The following NRG3 variants were observed in gnomAD, a reference collection of about 807,000 sequenced individuals.
NRG3 encodes the protein pro-neuregulin-3, membrane-bound isoform.
Under a neutral mutation model 66.9 loss-of-function variants are expected in NRG3, and 31 were observed. The observed-to-expected ratio is 0.46, with a 90% CI of 0.35 to 0.63. NRG3 has a LOEUF of 0.63. Among genes scored for constraint, NRG3 ranks in the 20% least tolerant of loss-of-function variants. The pLI is 0.00. For missense variants in NRG3, 910 were observed against 878.9 expected, an observed-to-expected ratio of 1.04 and a Z score of -0.45; for synonymous variants, 393 against 359.4, an observed-to-expected ratio of 1.09 and a Z score of -1.06.
intron 2 of NRG3, among the ~76,000 whole-genome samples, chr10:82,659,135 A>G (rs981177792): frequency 2.0e-5 from 3 of 152,246 alleles, no homozygotes; most frequent in African/African-American, 7.2e-5. Context: ...GGAAAGAAAT[A>G]TAATAAACAT....
At chr10:81,952,962 C>G (rs550004684) in intron 1 of NRG3, among the ~76,000 whole-genome samples, 1 of 152,090 alleles carries the variant, frequency 6.6e-6, no homozygotes, top group Non-Finnish European at 1.5e-5. Flanking sequence ...GCTAATGCTT[C>G]TCTGAGCTGT....
intron 2 of NRG3, among the ~76,000 whole-genome samples, chr10:82,378,591 G>C (rs953135053): frequency 2.7e-5 from 4 of 148,376 alleles, no homozygotes; most frequent in Admixed American, 1.3e-4. Flanking sequence ...CTTTCTTTTT[G>C]ACAGAGTTTT....
intron 3 of NRG3, among the ~76,000 whole-genome samples, chr10:82,797,775 G>C (rs2060861286): frequency 6.6e-6 from 1 of 152,092 alleles, no homozygotes; most frequent in Non-Finnish European, 1.5e-5. Context: ...TGGTAGATCG[G>C]AGTTGTCTTC....
intron 3 of NRG3, among the ~76,000 whole-genome samples, chr10:82,741,593 C>A (rs2058426438): frequency 6.6e-6 from 1 of 152,116 alleles, no homozygotes; most frequent in Admixed American, 6.6e-5. Flanking sequence ...TTTTATTAAA[C>A]CCTCACAATC....
intron 1 of NRG3, among the ~76,000 whole-genome samples, chr10:82,263,000 C>G (rs1202989021): frequency 1.3e-5 from 2 of 152,116 alleles, no homozygotes; most frequent in Non-Finnish European, 2.9e-5. Flanking sequence ...TATCCCAGAT[C>G]ATTAACACCA....
At chr10:82,880,113 A>G (rs780900447) in intron 4 of NRG3, among the ~76,000 whole-genome samples, 3 of 152,178 alleles carry the variant, frequency 2.0e-5, no homozygotes, top group East Asian at 1.9e-4. Flanking sequence ...TCACTATTAT[A>G]TAAGTTATGG....
intron 2 of NRG3, among the ~76,000 whole-genome samples, chr10:82,516,282 G>T (rs1210815431): frequency 6.6e-6 from 1 of 152,012 alleles, no homozygotes; most frequent in Non-Finnish European, 1.5e-5. Flanking sequence ...ACAAAATCCA[G>T]AGCAGACCAC....
intron 1 of NRG3, among the ~76,000 whole-genome samples, chr10:82,219,136 A>T (rs1294989733): frequency 2.0e-5 from 3 of 151,596 alleles, no homozygotes; most frequent in African/African-American, 7.3e-5. Context: ...GCCATCAGTA[A>T]CACATTTGTT....
chr10:82,522,776 G>A (rs1482171563), intron 2 of NRG3, among the ~76,000 whole-genome samples: 1 of 150,902 alleles, frequency 6.6e-6, no homozygotes, highest in African/African-American at 2.4e-5. Context: ...TAGCTTTATT[G>A]AGATATAATT....
chr10:82,172,584 T>C (rs1448412680), intron 1 of NRG3, among the ~76,000 whole-genome samples: 1 of 152,092 alleles, frequency 6.6e-6, no homozygotes, highest in Admixed American at 6.6e-5. Flanking sequence ...CTGCTAAAAT[T>C]CACTGAGATT....
chr10:82,086,754 G>A (rs2065751596), intron 1 of NRG3, among the ~76,000 whole-genome samples: 1 of 152,120 alleles, frequency 6.6e-6, no homozygotes, highest in South Asian at 2.1e-4. Flanking sequence ...TGAAATTAGG[G>A]TGAGATATTT....
chr10:82,311,640 C>G (rs535293787), intron 1 of NRG3, among the ~76,000 whole-genome samples: 8 of 152,270 alleles, frequency 5.3e-5, no homozygotes, highest in Admixed American at 1.3e-4. Flanking sequence ...TAAGTGTGCT[C>G]TTGCTGACCG....
chr10:81,934,583 A>G (rs748810522), intron 1 of NRG3, among the ~76,000 whole-genome samples: 2 of 152,200 alleles, frequency 1.3e-5, no homozygotes, highest in Admixed American at 6.5e-5. Flanking sequence ...AGCATACTGT[A>G]ATAGATGGAG....
intron 1 of NRG3, among the ~76,000 whole-genome samples, chr10:82,137,739 T>C (rs901913660): frequency 2.0e-5 from 3 of 152,220 alleles, no homozygotes; most frequent in Non-Finnish European, 2.9e-5. Flanking sequence ...GAATTTGTTA[T>C]GCATCCACTC....
intron 2 of NRG3, among the ~76,000 whole-genome samples, chr10:82,494,588 A>C (rs367858811): frequency 6.6e-6 from 1 of 152,138 alleles, no homozygotes; most frequent in Non-Finnish European, 1.5e-5. Context: ...TAAATGTATC[A>C]TCTAATATGC....
chr10:82,150,530 C>CACAAAAAAAAAAAAAAAAAA (rs2070647798), intron 1 of NRG3, among the ~76,000 whole-genome samples: 1 of 26,682 alleles, frequency 3.7e-5, no homozygotes, highest in Non-Finnish European at 7.4e-5. Context: ...AGAGCACACA[C>CACAAAAAAAAAAAAAAAAAA]AAAAAAAAAA....
At chr10:82,612,647 T>A in intron 2 of NRG3, among the ~76,000 whole-genome samples, 1 of 152,198 alleles carries the variant, frequency 6.6e-6, no homozygotes, top group East Asian at 1.9e-4. Flanking sequence ...TTTTGAAAAT[T>A]ATTTTACTGA....
intron 2 of NRG3, among the ~76,000 whole-genome samples, chr10:82,554,960 T>A (rs1296478503): frequency 6.6e-6 from 1 of 152,142 alleles, no homozygotes; most frequent in Non-Finnish European, 1.5e-5. Flanking sequence ...TGTGTTTGCC[T>A]CCCTGCAGTG....
intron 1 of NRG3, among the ~76,000 whole-genome samples, chr10:81,917,946 A>T (rs931694386): frequency 6.6e-6 from 1 of 152,138 alleles, no homozygotes; most frequent in Non-Finnish European, 1.5e-5. Context: ...TGGCGGACTG[A>T]TGAGTTTAAT....
Sources: allele counts gnomAD v4.1 joint callset (sites outside exome capture counted in the v4.1 genomes callset), GRCh38; gene constraint gnomAD v4.1.1; transcripts MANE v1.5; gene names NCBI Gene and HGNC (gene_info 2026-07-23, HGNC 2026-07-21).